The following LRRC49 variants were observed in gnomAD, a reference collection of about 807,000 sequenced individuals.
LRRC49 encodes leucine-rich repeat-containing protein 49.
Under a neutral mutation model 83.3 loss-of-function variants are expected in LRRC49, and 50 were observed. The observed-to-expected ratio is 0.60, with a 90% CI of 0.48 to 0.76. The LOEUF is 0.76. LRRC49 is among the 30% of genes least tolerant of loss of function. LRRC49 has a pLI of 0.00. For missense variants in LRRC49, 704 were observed against 809.1 expected (o/e 0.87, Z 1.58); for synonymous variants, 286 against 283.3 (o/e 1.01, Z -0.10).
chr15:71,019,691 A>G (rs1221394178), intron 14 of LRRC49, among the ~76,000 whole-genome samples: 1 of 152,254 alleles, frequency 6.6e-6, no homozygotes, highest in Non-Finnish European at 1.5e-5. Flanking sequence ...AAAAGAGGAA[A>G]GTTGTCCCTA....
intron 1 of LRRC49, chr15:70,859,541 G>A: frequency 1.5e-6 from 1 of 672,138 alleles, no homozygotes; most frequent in South Asian, 1.4e-5. Flanking sequence ...CAGCCAGGCG[G>A]AGGCTGAGAG....
At chr15:70,952,363 A>G (rs761820986) in intron 8 of LRRC49, among the ~76,000 whole-genome samples, 8 of 152,096 alleles carry the variant, frequency 5.3e-5, no homozygotes, top group Non-Finnish European at 1.0e-4. Flanking sequence ...TATATCTGGT[A>G]GAATTCAACT....
chr15:70,905,948 C>T (rs566522032), intron 5 of LRRC49, among the ~76,000 whole-genome samples: 28 of 151,620 alleles, frequency 1.8e-4, no homozygotes, highest in African/African-American at 4.8e-4. Flanking sequence ...TTTATGGCCT[C>T]GGGGAGAAAG....
At chr15:70,896,852 A>G (rs2033861640) in intron 3 of LRRC49, among the ~76,000 whole-genome samples, 2 of 152,106 alleles carry the variant, frequency 1.3e-5, no homozygotes, top group Non-Finnish European at 2.9e-5. Flanking sequence ...CTAATCTGAC[A>G]TATCTTTTCT....
intron 13 of LRRC49, among the ~76,000 whole-genome samples, chr15:71,010,957 T>C (rs973518441): frequency 2.6e-5 from 4 of 152,118 alleles, no homozygotes; most frequent in Admixed American, 6.6e-5. Flanking sequence ...GGTAGATACT[T>C]AACTCCAAAA....
At chr15:71,026,632 G>T (rs938312943) in intron 14 of LRRC49, among the ~76,000 whole-genome samples, 11 of 152,002 alleles carry the variant, frequency 7.2e-5, no homozygotes, top group Non-Finnish European at 8.8e-5. Context: ...TTTAATAATC[G>T]CCATTCTAAC....
intron 11 of LRRC49, among the ~76,000 whole-genome samples, chr15:70,995,472 A>G (rs2141245435): frequency 6.6e-6 from 1 of 152,302 alleles, no homozygotes; most frequent in African/African-American, 2.4e-5. Context: ...AGGTCACCAG[A>G]AGAGAGATCC....
intron 15 of LRRC49, among the ~76,000 whole-genome samples, chr15:71,039,119 C>T (rs976026913): frequency 2.0e-5 from 3 of 152,012 alleles, no homozygotes; most frequent in Non-Finnish European, 4.4e-5. Flanking sequence ...GGGAAAGAGG[C>T]AGTTCTGGCA....
intron 14 of LRRC49, among the ~76,000 whole-genome samples, chr15:71,027,121 A>G (rs1299328278): frequency 6.6e-6 from 1 of 152,188 alleles, no homozygotes; most frequent in Non-Finnish European, 1.5e-5. Flanking sequence ...CTTTTTGTAA[A>G]AGGTGTAAGG....
Position 71,049,823 on chromosome 15 carries a change from A to G in LRRC49, c.*211A>G. ...AAGGATTAATTGCCTGTATGTGAGG[A>G]CCAAACAACCTTTGGGAACTAAACA... is the stretch of plus-strand genomic sequence containing the variant. On this transcript the variant is annotated 3_prime_UTR_variant, in exon 16 of 16. Transcript: ENST00000260382. 1 of 487,990 alleles carries G rather than the reference A, an allele frequency of 2.0e-6. No homozygotes were observed. The highest frequency in any genetic ancestry group is 3.6e-6 in the Non-Finnish European group (1 of 277,956). 30.2% of individuals were successfully genotyped at this position (487,990 alleles called of 1,614,324 possible). A position where few individuals can be genotyped will look rare whatever the true frequency, so the allele number is the denominator to read the frequency against.
At chr15:70,947,262 C>A (rs2036042081) in intron 8 of LRRC49, among the ~76,000 whole-genome samples, 1 of 152,108 alleles carries the variant, frequency 6.6e-6, no homozygotes. Flanking sequence ...CCTCCTCCTT[C>A]CTGTCCTTTA....
intron 6 of LRRC49, among the ~76,000 whole-genome samples, chr15:70,913,927 G>C (rs1444906538): frequency 2.6e-5 from 4 of 151,998 alleles, no homozygotes; most frequent in Non-Finnish European, 4.4e-5. Flanking sequence ...TCATTATGTT[G>C]ATGAAAAATG....
At chr15:70,995,690 T>C (rs922330397) in intron 11 of LRRC49, among the ~76,000 whole-genome samples, 18 of 152,210 alleles carry the variant, frequency 1.2e-4, no homozygotes, top group African/African-American at 4.3e-4. Context: ...TTGCAGACTA[T>C]TAACGTGACT....
At chr15:70,869,299 T>C (rs948237844) in intron 1 of LRRC49, among the ~76,000 whole-genome samples, 1 of 152,222 alleles carries the variant, frequency 6.6e-6, no homozygotes, top group Non-Finnish European at 1.5e-5. Flanking sequence ...ATTTGTTCTA[T>C]AGATGCCATT....
intron 15 of LRRC49, among the ~76,000 whole-genome samples, chr15:71,044,593 A>C (rs1207995568): frequency 1.3e-5 from 2 of 152,060 alleles, no homozygotes; most frequent in African/African-American, 4.8e-5. Context: ...GTTTGAGACC[A>C]GCCTAGGCAA....
Position 71,049,881 on chromosome 15 carries a change from G to A in LRRC49, c.*269G>A. On this transcript the variant is annotated 3_prime_UTR_variant, in exon 16 of 16. Coordinates refer to ENST00000260382, the MANE Select transcript of LRRC49 (RefSeq NM_017691.5). ...GAGATGGCGTGGCACTGCATCCTTG[G>A]TTCTTGCTTTGATTGGTGCCCTGCT... is the stretch of plus-strand genomic sequence containing the variant. 3.2e-6 allele frequency: 1 copy of A among 316,780 alleles called. No homozygotes were observed. Among genetic ancestry groups the A allele is most frequent in the Non-Finnish European group, 5.7e-6 (1 of 174,746 alleles). The allele number at this position is 316,780 out of a possible 1,614,324, so 19.6% of individuals were successfully genotyped here.
upstream of LRRC49, chr15:70,891,791 A>G (rs1230494863): frequency 3.5e-6 from 5 of 1,442,780 alleles, no homozygotes; most frequent in Non-Finnish European, 4.6e-6. Flanking sequence ...TAAGTGGAGG[A>G]GCCCAGCCAG....
intron 1 of LRRC49, chr15:70,853,930 G>T (rs1289643999): frequency 5.6e-6 from 8 of 1,418,296 alleles, no homozygotes; most frequent in South Asian, 1.4e-5. Flanking sequence ...CGCTGCCCCA[G>T]CCGGGGCTGA....
At chr15:70,862,301 G>A (rs1273931981) in intron 1 of LRRC49, among the ~76,000 whole-genome samples, 5 of 152,092 alleles carry the variant, frequency 3.3e-5, no homozygotes, top group Non-Finnish European at 7.4e-5. Context: ...GAGGCTGGCC[G>A]GGCGCGGTGG....
Sources: allele counts gnomAD v4.1 joint callset (sites outside exome capture counted in the v4.1 genomes callset), GRCh38; gene constraint gnomAD v4.1.1; transcripts MANE v1.5; gene names NCBI Gene and HGNC (gene_info 2026-07-23, HGNC 2026-07-21).